The following ARHGEF3 variants were observed in gnomAD, a reference collection of about 807,000 sequenced individuals.
ARHGEF3 encodes 59.8 kDA protein.
Under a neutral mutation model 63.2 loss-of-function variants are expected in ARHGEF3, and 28 were observed. That is an observed-to-expected ratio of 0.44 (90% CI 0.33 to 0.61). The LOEUF is 0.61. ARHGEF3 is among the 20% of genes least tolerant of loss of function. The probability of loss-of-function intolerance (pLI) is 0.03; values close to 1 mark genes in which losing one functional copy is unlikely to be tolerated. For synonymous variants in ARHGEF3, 266 were observed against 254.2 expected, an observed-to-expected ratio of 1.05 and a Z score of -0.44; for missense variants, 533 against 659.3, an observed-to-expected ratio of 0.81 and a Z score of 2.10.
At chr3:56,992,095 T>A (rs1415664662) in intron 2 of ARHGEF3, among the ~76,000 whole-genome samples, 1 of 145,938 alleles carries the variant, frequency 6.9e-6, no homozygotes, top group Non-Finnish European at 1.5e-5. Flanking sequence ...AGAACCAGCT[T>A]TCTCATCCTC....
At chr3:56,743,284 C>T (rs1170279929) in intron 7 of ARHGEF3, among the ~76,000 whole-genome samples, 5 of 152,206 alleles carry the variant, frequency 3.3e-5, no homozygotes, top group African/African-American at 4.8e-5. Flanking sequence ...TACTTGGAGG[C>T]ACCCAGCCCA....
At chr3:57,033,785 C>G (rs1985904) in intron 2 of ARHGEF3, among the ~76,000 whole-genome samples, 57,087 of 151,898 alleles carry the variant, frequency 0.38, 12,073 homozygotes, top group Non-Finnish European at 0.47. Context: ...TGGCTCATGC[C>G]TGTAATCCCA....
intron 9 of ARHGEF3, among the ~76,000 whole-genome samples, chr3:56,729,855 G>GAAA (rs374312884): frequency 2.5e-4 from 25 of 100,000 alleles, no homozygotes; most frequent in African/African-American, 1.0e-3. Context: ...GAAACCCGCA[G>GAAA]GTGGAGATCA....
At chr3:56,934,465 A>T (rs529410216) in intron 3 of ARHGEF3, among the ~76,000 whole-genome samples, 2 of 152,288 alleles carry the variant, frequency 1.3e-5, no homozygotes, top group Admixed American at 6.5e-5. Context: ...GAGGTGTGGA[A>T]GGAGAGTCGC....
chr3:57,009,310 G>A (rs1702589344), intron 2 of ARHGEF3, among the ~76,000 whole-genome samples: 2 of 152,170 alleles, frequency 1.3e-5, no homozygotes, highest in South Asian at 4.1e-4. Flanking sequence ...CCACCAACTT[G>A]GGGCCTATCC....
intron 2 of ARHGEF3, among the ~76,000 whole-genome samples, chr3:57,013,304 C>T (rs951775278): frequency 6.6e-6 from 1 of 152,240 alleles, no homozygotes; most frequent in Admixed American, 6.5e-5. Context: ...GGCATGGGAT[C>T]CACTAGGCGA....
intron 1 of ARHGEF3, among the ~76,000 whole-genome samples, chr3:56,794,277 C>G (rs1255848488): frequency 1.3e-5 from 2 of 151,986 alleles, no homozygotes; most frequent in African/African-American, 4.8e-5. Flanking sequence ...TATCTCAGGT[C>G]AGGAGTTCGA....
intron 1 of ARHGEF3, among the ~76,000 whole-genome samples, chr3:57,056,600 A>G (rs558925565): frequency 6.6e-6 from 1 of 152,208 alleles, no homozygotes; most frequent in African/African-American, 2.4e-5. Context: ...AGGAGGCATG[A>G]CGAGGAGTGG....
At chr3:56,969,880 C>T (rs906383159) in intron 2 of ARHGEF3, among the ~76,000 whole-genome samples, 2 of 151,846 alleles carry the variant, frequency 1.3e-5, no homozygotes, top group Non-Finnish European at 2.9e-5. Context: ...GAATGAAGTA[C>T]TGATACATGC....
intron 8 of ARHGEF3, among the ~76,000 whole-genome samples, chr3:56,733,693 AGAT>A (rs892824349): frequency 1.3e-5 from 2 of 151,964 alleles, no homozygotes; most frequent in Non-Finnish European, 2.9e-5. Context: ...CCACAAAGAA[AGAT>A]GATCAGGCTG....
chr3:56,904,009 A>G (rs2041607054), intron 3 of ARHGEF3, among the ~76,000 whole-genome samples: 1 of 151,576 alleles, frequency 6.6e-6, no homozygotes, highest in Non-Finnish European at 1.5e-5. Context: ...AAGCAGGTAC[A>G]TGCTACCATG....
chr3:56,953,176 C>T (rs534355956), intron 3 of ARHGEF3, among the ~76,000 whole-genome samples: 1 of 152,196 alleles, frequency 6.6e-6, no homozygotes, highest in South Asian at 2.1e-4. Flanking sequence ...GCTTCTTTTG[C>T]AGTGTAGAGA....
intron 1 of ARHGEF3, chr3:57,035,204 T>C: frequency 7.9e-7 from 1 of 1,262,482 alleles, no homozygotes; most frequent in Non-Finnish European, 1.1e-6. Flanking sequence ...ACAACCAACA[T>C]TTATCATCTA....
chr3:56,736,040 A>G (rs1000728996), intron 8 of ARHGEF3, among the ~76,000 whole-genome samples: 2 of 137,868 alleles, frequency 1.5e-5, no homozygotes, highest in Non-Finnish European at 3.0e-5. Context: ...ATCTCAACAC[A>G]GAAATTTAAA....
intron 4 of ARHGEF3, among the ~76,000 whole-genome samples, chr3:56,879,429 T>G (rs1052459904): frequency 6.6e-6 from 1 of 152,202 alleles, no homozygotes; most frequent in African/African-American, 2.4e-5. Context: ...ATCAACAATA[T>G]TTATCAAGAA....
intron 3 of ARHGEF3, among the ~76,000 whole-genome samples, chr3:56,921,090 T>C (rs1178825242): frequency 7.1e-6 from 1 of 140,696 alleles, no homozygotes; most frequent in East Asian, 2.1e-4. Flanking sequence ...CATGGGCCAG[T>C]GCAGTGGCTC....
intron 1 of ARHGEF3, among the ~76,000 whole-genome samples, chr3:56,779,218 T>C (rs2036427473): frequency 6.6e-6 from 1 of 152,124 alleles, no homozygotes; most frequent in African/African-American, 2.4e-5. Flanking sequence ...TCTCTTAACT[T>C]TCTAAACACA....
chr3:56,812,356 G>A (rs2038096948), intron 4 of ARHGEF3, among the ~76,000 whole-genome samples: 1 of 152,170 alleles, frequency 6.6e-6, no homozygotes, highest in Non-Finnish European at 1.5e-5. Flanking sequence ...GACTGTGGGG[G>A]CCTCTCAGAT....
In ARHGEF3 at chr3:57,024,464, A is replaced by T. The variant is rs146442008; in HGVS notation, c.62+10624T>A. On this transcript the variant is annotated intron_variant, in intron 2 of 12. Transcript: ENST00000338458. ...TCTGTAATAAAACAAAAAAAAATCC[A>T]CTTTGTGTAGGGTAAGAGCAATTTT... 7.0e-3 allele frequency among the ~76,000 whole-genome samples: 1,059 copies of T among 151,880 alleles called. 18 individuals carry two copies. The highest frequency in any genetic ancestry group is 0.024 in the African/African-American group (1,014 of 41,430).
Sources: allele counts gnomAD v4.1 joint callset (sites outside exome capture counted in the v4.1 genomes callset), GRCh38; gene constraint gnomAD v4.1.1; transcripts MANE v1.5; gene names NCBI Gene and HGNC (gene_info 2026-07-23, HGNC 2026-07-21).